Variants in SOX6 observed in about 807,000 individuals in gnomAD.
SOX6 encodes the protein transcription factor SOX-6.
Under a neutral mutation model 97.8 loss-of-function variants are expected in SOX6, and 11 were observed. That is an observed-to-expected ratio of 0.11 (90% CI 0.07 to 0.19). SOX6 has a LOEUF of 0.19. SOX6 is among the 10% of genes least tolerant of loss of function. The pLI is 1.00. For synonymous variants in SOX6, 360 were observed against 371.4 expected (o/e 0.97, Z 0.35); for missense variants, 810 against 1,039.5 (o/e 0.78, Z 3.04).
intron 9 of SOX6, among the ~76,000 whole-genome samples, chr11:16,062,206 T>C (rs1847974722): frequency 6.6e-6 from 1 of 151,620 alleles, no homozygotes; most frequent in Non-Finnish European, 1.5e-5. Context: ...TTTTTTCTTC[T>C]CAGTCTAGTT....
intron 4 of SOX6, among the ~76,000 whole-genome samples, chr11:16,504,496 C>T (rs962199174): frequency 2.7e-5 from 4 of 148,712 alleles, no homozygotes; most frequent in African/African-American, 9.9e-5. Context: ...ACAATAGCTA[C>T]AAAAAAAAAC....
chr11:16,126,264 T>C (rs924757111), intron 6 of SOX6, among the ~76,000 whole-genome samples: 3 of 152,226 alleles, frequency 2.0e-5, no homozygotes, highest in East Asian at 1.9e-4. Flanking sequence ...ATCAAATCTA[T>C]AGACTTTTTT....
intron 4 of SOX6, among the ~76,000 whole-genome samples, chr11:16,190,010 G>T (rs980484403): frequency 6.6e-6 from 1 of 152,052 alleles, no homozygotes; most frequent in Non-Finnish European, 1.5e-5. Flanking sequence ...TTTCTCCTCT[G>T]CATAGGCACA....
chr11:16,044,150 C>T (rs1855758227), intron 12 of SOX6, among the ~76,000 whole-genome samples: 1 of 152,144 alleles, frequency 6.6e-6, no homozygotes, highest in Non-Finnish European at 1.5e-5. Context: ...AAAGCACTCC[C>T]TAATAAACCT....
intron 3 of SOX6, among the ~76,000 whole-genome samples, chr11:16,259,108 T>C (rs1853792063): frequency 6.6e-6 from 1 of 151,824 alleles, no homozygotes; most frequent in Non-Finnish European, 1.5e-5. Context: ...AGTATTAGAA[T>C]TAAGAAATAT....
intron 3 of SOX6, among the ~76,000 whole-genome samples, chr11:16,704,756 T>C (rs562848358): frequency 3.3e-5 from 5 of 152,312 alleles, no homozygotes; most frequent in African/African-American, 1.2e-4. Flanking sequence ...TTATAAAACA[T>C]AGTTCAGTAA....
At chr11:16,081,099 T>A (rs756412572) in intron 9 of SOX6, among the ~76,000 whole-genome samples, 5 of 151,832 alleles carry the variant, frequency 3.3e-5, no homozygotes, top group East Asian at 1.9e-4. Context: ...TAAAAAAAAA[T>A]AATAATAATT....
At chr11:16,366,425 G>T (rs1425601356) in intron 1 of SOX6, among the ~76,000 whole-genome samples, 1 of 152,126 alleles carries the variant, frequency 6.6e-6, no homozygotes, top group Non-Finnish European at 1.5e-5. Flanking sequence ...AGAAAAAGAT[G>T]CAAATAATCT....
At chr11:16,412,176 C>G (rs1002542551) in intron 1 of SOX6, among the ~76,000 whole-genome samples, 2 of 152,126 alleles carry the variant, frequency 1.3e-5, no homozygotes, top group African/African-American at 2.4e-5. Flanking sequence ...TTTATATCAT[C>G]TCATTTGCAT....
chr11:16,286,973 AG>A (rs1854762856), intron 3 of SOX6, among the ~76,000 whole-genome samples: 1 of 152,024 alleles, frequency 6.6e-6, no homozygotes, highest in Non-Finnish European at 1.5e-5. Flanking sequence ...TTCCACCATA[AG>A]GTTTTTTTAA....
intron 4 of SOX6, among the ~76,000 whole-genome samples, chr11:16,575,517 G>A (rs1308175103): frequency 1.3e-5 from 2 of 152,102 alleles, no homozygotes; most frequent in African/African-American, 2.4e-5. Flanking sequence ...TAAAAATAAA[G>A]AGGATAAACA....
chr11:16,639,504 G>A (rs1462050464), intron 3 of SOX6, among the ~76,000 whole-genome samples: 1 of 152,142 alleles, frequency 6.6e-6, no homozygotes, highest in African/African-American at 2.4e-5. Flanking sequence ...ATTACCTTGG[G>A]CAGTATGGCC....
intron 15 of SOX6, among the ~76,000 whole-genome samples, chr11:15,981,530 A>C (rs1853655881): frequency 6.6e-6 from 1 of 152,076 alleles, no homozygotes; most frequent in Non-Finnish European, 1.5e-5. Context: ...TTAGGAGATA[A>C]GCCTATACGT....
At chr11:16,120,747 C>G (rs1418509165) in intron 6 of SOX6, among the ~76,000 whole-genome samples, 1 of 152,102 alleles carries the variant, frequency 6.6e-6, no homozygotes, top group Admixed American at 6.6e-5. Flanking sequence ...TATCTTGTCA[C>G]TAGTTTTACT....
At chr11:16,222,513 C>A (rs1852572830) in intron 4 of SOX6, among the ~76,000 whole-genome samples, 1 of 152,010 alleles carries the variant, frequency 6.6e-6, no homozygotes, top group Non-Finnish European at 1.5e-5. Flanking sequence ...TGCAGTTGGC[C>A]CTACGTACAA....
intron 14 of SOX6, 91 bp downstream of exon 14, chr11:15,988,905 AG>A (rs1045521293): frequency 3.1e-5 from 40 of 1,281,986 alleles, no homozygotes; most frequent in Non-Finnish European, 4.5e-5. Flanking sequence ...AATCTCCCTT[AG>A]GATCCTAGTT....
chr11:16,344,553 A>T (rs1156555908), intron 1 of SOX6, among the ~76,000 whole-genome samples: 3 of 151,942 alleles, frequency 2.0e-5, no homozygotes, highest in Admixed American at 2.0e-4. Flanking sequence ...GAAACTCATA[A>T]ATCAAATATA....
intron 3 of SOX6, among the ~76,000 whole-genome samples, chr11:16,706,896 T>A (rs1404541825): frequency 6.6e-6 from 1 of 152,192 alleles, no homozygotes; most frequent in East Asian, 1.9e-4. Flanking sequence ...TTTGTCATGT[T>A]CACTATCATT....
intron 1 of SOX6, among the ~76,000 whole-genome samples, chr11:16,397,239 T>C (rs915171750): frequency 3.3e-5 from 5 of 151,470 alleles, no homozygotes; most frequent in Non-Finnish European, 7.4e-5. Context: ...TTATAAATAT[T>C]CAAAATTAAA....
Sources: gnomAD v4.1 joint callset for allele counts (sites outside exome capture counted in the v4.1 genomes callset) on GRCh38, gnomAD v4.1.1 for gene constraint, MANE v1.5 for transcripts, NCBI Gene and HGNC (gene_info 2026-07-23, HGNC 2026-07-21) for gene names.